The following EPRS1 variants were observed in gnomAD, a reference collection of about 807,000 sequenced individuals.
EPRS1 encodes the protein bifunctional glutamate/proline--tRNA ligase.
In EPRS1, 107 loss-of-function variants were observed where a neutral mutation model predicts 188.3. The ratio of observed to expected loss-of-function variants is 0.57; its 90% confidence interval spans 0.49 to 0.67. The LOEUF is 0.67. Ranked by LOEUF, EPRS1 falls within the 30% of genes least tolerant of loss-of-function variation. EPRS1 has a pLI of 0.00. For missense variants in EPRS1, 1,577 were observed against 1,802.2 expected (o/e 0.88, Z 2.26); for synonymous variants, 596 against 593.1 (o/e 1.00, Z -0.07).
At chr1:220,016,408 A>T (rs1310541390) in intron 12 of EPRS1, among the ~76,000 whole-genome samples, 1 of 148,950 alleles carries the variant, frequency 6.7e-6, no homozygotes, top group African/African-American at 2.5e-5. Context: ...AAAAAAATTA[A>T]TTTTCTTTTT....
rs755950873 is a variant in EPRS1, at chr1:219,969,121, A to G, written c.4325T>C (p.Ile1442Thr). The change falls in exon 31 of 32, where the codon ATT becomes ACT. Residue 1442 changes from isoleucine (I) to threonine (T), a missense_variant and splice_region_variant. Around this residue, in one of 3 missense-constraint regions of EPRS1, gnomAD observed 296 missense variants for 327.9 expected, o/e 0.90. Transcript: ENST00000366923. ...DFQKILDSGK[I>T]VQIPFCGEID... Reference sequence around the variant, plus strand: ...TTCCCCACAGAATGGAATCTGAACAATCTAATTAAGAAAAGGAAAAGTAAT... The same window carrying G: ...TTCCCCACAGAATGGAATCTGAACAGTCTAATTAAGAAAAGGAAAAGTAAT... 3.1e-6 allele frequency: 5 copies of G among 1,600,496 alleles called. No individual in the cohort carries two copies. The South Asian group carries it at 4.4e-5, about 14-fold the overall frequency.
At chr1:220,025,998 T>C (rs1008944333) in intron 6 of EPRS1, among the ~76,000 whole-genome samples, 6 of 152,174 alleles carry the variant, frequency 3.9e-5, no homozygotes, top group African/African-American at 1.4e-4. Context: ...TTTCACCATG[T>C]TGGCCAGGAT....
rs1303247072 is a variant in EPRS1 at position 219,980,385 on chromosome 1, C to T, written c.3556-145G>A. ...CTTTTTATGAAAAGGTTAAAGCAGCCAGTGTGAACTTATTAAGAAAGATAT... is the reference window on the plus strand; with the variant it reads ...CTTTTTATGAAAAGGTTAAAGCAGCTAGTGTGAACTTATTAAGAAAGATAT... On this transcript the variant is annotated intron_variant, in intron 25 of 31. Transcript: ENST00000366923. 8 of 596,212 alleles carry T rather than the reference C, an allele frequency of 1.3e-5. No homozygotes were observed. In the Admixed American group the frequency reaches 2.2e-4, roughly 17 times the overall value. 36.9% of individuals were successfully genotyped at this position (596,212 alleles called of 1,614,324 possible).
chr1:219,991,013 T>C (rs1174931028), intron 18 of EPRS1, among the ~76,000 whole-genome samples: 1 of 152,108 alleles, frequency 6.6e-6, no homozygotes, highest in Non-Finnish European at 1.5e-5. Flanking sequence ...AAACAACCTA[T>C]ACAAAAGACT....
intron 22 of EPRS1, 111 bp downstream of exon 22, chr1:219,983,077 CT>C (rs1660930196): frequency 1.1e-6 from 1 of 912,730 alleles, no homozygotes; most frequent in Admixed American, 2.7e-5. Flanking sequence ...AGAAACAGAA[CT>C]TTTTAATAAA....
At position 219,973,345 on chromosome 1, in the gene EPRS1, AAACT is replaced by A. The variant is rs1660705579; in HGVS notation, c.4133_4136del (p.Gln1378LeufsTer2). 2 of 1,612,720 alleles carry A rather than the reference AAACT, an allele frequency of 1.2e-6. No homozygotes were observed. The highest frequency in any genetic ancestry group is 1.7e-6 in the Non-Finnish European group (2 of 1,179,700). The stretch of plus-strand genomic sequence containing the variant: ...CTCCAGTATCTCGTCTGACGGCTAC[AAACT>A]GACAGCTCTTCATATCACGTGGCCC... On this transcript the variant is annotated frameshift_variant, in exon 29 of 32. Transcript: ENST00000366923. LOFTEE classifies it high-confidence loss of function.
At position 220,010,793 on chromosome 1, in the gene EPRS1, A is replaced by G. The variant is rs548107915; in HGVS notation, c.1605+153T>C. Among the ~76,000 whole-genome samples the G allele has an allele frequency of 9.9e-5, 14 of 141,996 alleles. No individual in the cohort carries two copies. The South Asian group carries it at 3.1e-3, about 31-fold the overall frequency. 93.2% of individuals were successfully genotyped at this position (141,996 alleles called of 152,430 possible). A position where few individuals can be genotyped will look rare whatever the true frequency, so the allele number is the denominator to read the frequency against. On this transcript the variant is annotated intron_variant, in intron 13 of 31. Coordinates refer to ENST00000366923, the MANE Select transcript of EPRS1 (RefSeq NM_004446.3). ...CCACTGCACTCCAGCCTGGAGACATAGCAAGACTACGTCTCAAAAAAAAAA... is the reference window on the plus strand; with the variant it reads ...CCACTGCACTCCAGCCTGGAGACATGGCAAGACTACGTCTCAAAAAAAAAA...
At chr1:220,043,708 C>A (rs1371517760) in intron 1 of EPRS1, among the ~76,000 whole-genome samples, 2 of 152,176 alleles carry the variant, frequency 1.3e-5, no homozygotes, top group Non-Finnish European at 2.9e-5. Context: ...GAGCCTGAAT[C>A]TAGACACCAG....
chr1:219,998,983 A>G (rs923961979), intron 17 of EPRS1, among the ~76,000 whole-genome samples: 1 of 150,946 alleles, frequency 6.6e-6, no homozygotes, highest in Non-Finnish European at 1.5e-5. Context: ...TTCCAGTTTT[A>G]TGTCAAATAA....
chr1:220,015,176 A>G (rs1014749846), intron 12 of EPRS1, among the ~76,000 whole-genome samples: 6 of 152,176 alleles, frequency 3.9e-5, no homozygotes, highest in Non-Finnish European at 8.8e-5. Context: ...AAAGAAAAAG[A>G]ATTCAAAGCC....
chr1:220,046,248 C>T (rs1184475521), intron 1 of EPRS1, 95 bp downstream of exon 1: 20 of 1,470,390 alleles, frequency 1.4e-5, no homozygotes, highest in Non-Finnish European at 1.9e-5. Flanking sequence ...AGATGGTGAC[C>T]ACCACTGCGC....
chr1:219,980,881 T>A (rs780074485), intron 24 of EPRS1, 24 bp from the exon 25 acceptor site: 23 of 1,541,958 alleles, frequency 1.5e-5, no homozygotes, highest in Non-Finnish European at 2.0e-5. Flanking sequence ...GAAAACAATT[T>A]AGTCATTATA....
At position 219,981,476 on chromosome 1, in the gene EPRS1, T is replaced by C. The variant is rs2102564197; in HGVS notation, c.3374-19A>G. On this transcript the variant is annotated intron_variant, in intron 23 of 31. Transcript: ENST00000366923. ...TACATTACTGAAAGACACGGGAAAA[T>C]AGAGACAGTCATTTAAGGCTTTATT... 4 of 1,533,152 alleles carry C rather than the reference T, an allele frequency of 2.6e-6. No homozygotes were observed. Among genetic ancestry groups the C allele is most frequent in the Non-Finnish European group, 3.6e-6 (4 of 1,120,446 alleles). 95.0% of individuals were successfully genotyped at this position (1,533,152 alleles called of 1,614,324 possible).
In EPRS1 at chr1:220,024,460, T is replaced by C. The variant is rs757520696; in HGVS notation, c.751-4A>G. The C allele has an allele frequency of 1.1e-5, 17 of 1,587,246 alleles. No individual in the cohort carries two copies. The highest frequency in any genetic ancestry group is 1.5e-5 in the Non-Finnish European group (17 of 1,169,588). On this transcript the variant is annotated splice_region_variant and splice_polypyrimidine_tract_variant and intron_variant, in intron 7 of 31. Coordinates refer to ENST00000366923, the MANE Select transcript of EPRS1 (RefSeq NM_004446.3). ...TTGCAACATCTTCCAAGATAACCTG[T>C]AGTAAGAAACCAAAATAACCATCAG...
intron 12 of EPRS1, 57 bp from the exon 13 acceptor site, chr1:220,011,113 G>T: frequency 1.0e-6 from 1 of 986,488 alleles, no homozygotes; most frequent in Non-Finnish European, 1.6e-6. Flanking sequence ...AGCGCCATAA[G>T]CAAAATAAAT....
intron 6 of EPRS1, among the ~76,000 whole-genome samples, chr1:220,029,057 A>C (rs1006651401): frequency 2.0e-5 from 3 of 152,206 alleles, no homozygotes; most frequent in Non-Finnish European, 2.9e-5. Context: ...CAAAATATGA[A>C]AAGATTTAAA....
At chr1:220,006,921 T>A (rs1247858099) in intron 14 of EPRS1, among the ~76,000 whole-genome samples, 2 of 152,204 alleles carry the variant, frequency 1.3e-5, no homozygotes, top group Non-Finnish European at 2.9e-5. Context: ...TAGAGTCCCT[T>A]TTTATCATGT....
chr1:220,005,719 T>A lies in EPRS1; in HGVS notation c.1951-359A>T, dbSNP rs75727037. Among the ~76,000 whole-genome samples the A allele has an allele frequency of 5.3e-3, 811 of 152,022 alleles. 6 individuals carry two copies. The highest frequency in any genetic ancestry group is 0.019 in the African/African-American group (787 of 41,444). ...CTTAAATACGAGGGTCAGATTTGAA[T>A]CCCAACTCTACTATTTACTGTTTGT... On this transcript the variant is annotated intron_variant, in intron 15 of 31. Transcript: ENST00000366923.
intron 6 of EPRS1, among the ~76,000 whole-genome samples, chr1:220,027,150 C>G (rs577926397): frequency 3.2e-4 from 49 of 151,956 alleles, no homozygotes; most frequent in African/African-American, 1.2e-3. Flanking sequence ...ATTGGCCAGG[C>G]ACGGTGGCTC....
Sources: allele counts gnomAD v4.1 joint callset (sites outside exome capture counted in the v4.1 genomes callset), GRCh38; gene constraint gnomAD v4.1.1; regional missense constraint gnomAD v4.1.1; transcripts MANE v1.5; gene names NCBI Gene and HGNC (gene_info 2026-07-23, HGNC 2026-07-21).